The following TGM7 variants were observed in gnomAD, a reference collection of about 807,000 sequenced individuals.
The protein encoded by TGM7 is protein-glutamine gamma-glutamyltransferase Z.
TGM7 carries 74 observed loss-of-function variants against 79.5 expected under a neutral mutation model. That is an observed-to-expected ratio of 0.93 (90% CI 0.77 to 1.13). The LOEUF (loss-of-function observed/expected upper bound fraction) is 1.13. TGM7 is among the 50% of genes most tolerant of loss of function. The pLI is 0.00. For synonymous variants in TGM7, 354 were observed against 362.5 expected, an observed-to-expected ratio of 0.98 and a Z score of 0.27; for missense variants, 912 against 905.9, an observed-to-expected ratio of 1.01 and a Z score of -0.09.
intron 6 of TGM7, among the ~76,000 whole-genome samples, chr15:43,286,623 C>A (rs2042936867): frequency 6.6e-6 from 1 of 152,228 alleles, no homozygotes; most frequent in Non-Finnish European, 1.5e-5. Flanking sequence ...CTCAGAGTCA[C>A]CCTGTTAGTT....
rs2042893567 is a variant in TGM7, at chr15:43,279,240, G to A, written c.1716C>T (p.Tyr572=). 1 of 1,614,176 alleles carries A rather than the reference G, an allele frequency of 6.2e-7. No individual in the cohort carries two copies. Among genetic ancestry groups the A allele is most frequent in the Non-Finnish European group, 8.5e-7 (1 of 1,180,028 alleles). ...GCTTTTCGTCCGTTAGCTTGTTTCT[G>A]TAATTGCTGTAGGGCAGGAGGAGCG... ...QWPLLLPYSN[Y]RNKLTDEKLI... is the part of the protein sequence containing the mutation. The change falls in exon 11 of 13, where the codon TAC becomes TAT. Residue 572 remains tyrosine, a synonymous_variant. Transcript: ENST00000452443.
At chr15:43,287,144 G>A in intron 6 of TGM7, 136 bp downstream of exon 6, 2 of 942,152 alleles carry the variant, frequency 2.1e-6, no homozygotes, top group East Asian at 2.6e-5. Context: ...ACTGTATGGT[G>A]TGCTAGCTCA....
chr15:43,298,609 T>C (rs1166374742), intron 1 of TGM7, among the ~76,000 whole-genome samples: 1 of 151,936 alleles, frequency 6.6e-6, no homozygotes, highest in Non-Finnish European at 1.5e-5. Context: ...AAAAATTAGC[T>C]GGGCATGGTG....
chr15:43,285,299 G>A (rs745813228), intron 6 of TGM7, among the ~76,000 whole-genome samples: 1 of 152,248 alleles, frequency 6.6e-6, no homozygotes, highest in Non-Finnish European at 1.5e-5. Flanking sequence ...CACTTTGGGA[G>A]GCTGAGGCGG....
chr15:43,282,159 T>A (rs1263845913), intron 8 of TGM7, 73 bp from the exon 9 acceptor site: 3 of 1,577,842 alleles, frequency 1.9e-6, no homozygotes, highest in African/African-American at 2.7e-5. Context: ...GGAGATGGGA[T>A]AGGCAGCGGC....
Position 43,292,778 on chromosome 15 carries a change from G to A in TGM7, c.370C>T (p.Gln124Ter), listed in dbSNP as rs1310653460. The A allele has an allele frequency of 6.2e-7, 1 of 1,614,052 alleles. No individual in the cohort carries two copies. The highest frequency in any genetic ancestry group is 8.5e-7 in the Non-Finnish European group (1 of 1,180,042). ...TAAGTCACACTGTGACCTTGGCCCT[G>A]AGAGATCTCTATTTTCAGAGTGTAA... The part of the protein sequence containing the change: ...GHYTLKIEIS[Q>*]GQGHSVTYPL... Residue 124 changes from glutamine (Q) to a stop codon, truncating the protein, a stop_gained, in exon 3 of 13, where the codon CAG (glutamine) becomes TAG (stop). Transcript: ENST00000452443. LOFTEE classifies it high-confidence loss of function.
At chr15:43,280,834 C>T (rs764883567) in intron 9 of TGM7, among the ~76,000 whole-genome samples, 5 of 152,028 alleles carry the variant, frequency 3.3e-5, no homozygotes, top group Admixed American at 2.0e-4. Context: ...GGCTAGCATG[C>T]GGAATAAGAA....
intron 9 of TGM7, among the ~76,000 whole-genome samples, chr15:43,280,977 G>C (rs1339807655): frequency 2.6e-5 from 4 of 152,214 alleles, no homozygotes; most frequent in African/African-American, 4.8e-5. Context: ...TGACTGGTCA[G>C]CTGCTTAATT....
intron 4 of TGM7, among the ~76,000 whole-genome samples, chr15:43,290,018 T>C (rs990235811): frequency 6.6e-6 from 1 of 152,246 alleles, no homozygotes; most frequent in Non-Finnish European, 1.5e-5. Context: ...GTAGGTTGCC[T>C]GCTTACTCTG....
chr15:43,282,403 G>C, intron 8 of TGM7, 114 bp downstream of exon 8: 2 of 934,586 alleles, frequency 2.1e-6, no homozygotes, highest in Non-Finnish European at 3.3e-6. Context: ...CTGGGACCTC[G>C]GGAAGAGGGT....
chr15:43,284,152 T>C (rs2042923190), intron 7 of TGM7, among the ~76,000 whole-genome samples: 1 of 152,068 alleles, frequency 6.6e-6, no homozygotes, highest in Non-Finnish European at 1.5e-5. Context: ...TGAGCTGAGT[T>C]CGCACCATTG....
At chr15:43,297,618 A>AAAGAAAGAAAGT in intron 1 of TGM7, among the ~76,000 whole-genome samples, 1 of 151,394 alleles carries the variant, frequency 6.6e-6, no homozygotes, top group East Asian at 1.9e-4. Flanking sequence ...AGAAAGAAAG[A>AAAGAAAGAAAGT]AAGAAAGAAA....
At chr15:43,294,099 A>G (rs2042980856) in intron 1 of TGM7, among the ~76,000 whole-genome samples, 1 of 152,134 alleles carries the variant, frequency 6.6e-6, no homozygotes. Flanking sequence ...AATCTTTCTA[A>G]AAGTCACCCT....
Position 43,276,284 on chromosome 15 carries a change from T to G in TGM7, c.*171A>C. On this transcript the variant is annotated 3_prime_UTR_variant, in exon 13 of 13. Coordinates refer to ENST00000452443, the MANE Select transcript of TGM7 (RefSeq NM_052955.3). ...GTGGCTTGAGAATGCTGGTGATAAATAAAGACATCTTTATTGTCTCTTCCC... is the reference window on the plus strand; with the variant it reads ...GTGGCTTGAGAATGCTGGTGATAAAGAAAGACATCTTTATTGTCTCTTCCC... The G allele has an allele frequency of 1.3e-6, 1 of 797,806 alleles. No individual in the cohort carries two copies. The highest frequency in any genetic ancestry group is 1.9e-6 in the Non-Finnish European group (1 of 521,294). The allele number at this position is 797,806 out of a possible 1,614,324, so 49.4% of individuals were successfully genotyped here.
intron 1 of TGM7, among the ~76,000 whole-genome samples, chr15:43,294,694 G>A (rs2042983773): frequency 6.6e-6 from 1 of 152,208 alleles, no homozygotes; most frequent in Non-Finnish European, 1.5e-5. Flanking sequence ...TAGTACATCA[G>A]TTTATCTCAG....
intron 1 of TGM7, 27 bp from the exon 2 acceptor site, chr15:43,293,658 G>A (rs771226043): frequency 4.5e-6 from 7 of 1,565,492 alleles, no homozygotes; most frequent in Non-Finnish European, 5.2e-6. Flanking sequence ...GACAGGTCAC[G>A]CCCACCTGCA....
intron 1 of TGM7, among the ~76,000 whole-genome samples, chr15:43,294,716 G>A (rs928981875): frequency 6.6e-6 from 1 of 152,104 alleles, no homozygotes; most frequent in African/African-American, 2.4e-5. Flanking sequence ...GGTTCTCAAC[G>A]GGAAATTCCG....
At chr15:43,283,049 CA>C (rs772030300) in intron 7 of TGM7, among the ~76,000 whole-genome samples, 1 of 151,954 alleles carries the variant, frequency 6.6e-6, no homozygotes, top group African/African-American at 2.4e-5. Context: ...GACTCCATCT[CA>C]AAAAAACAAC....
chr15:43,288,264 C>T (rs756763651), intron 4 of TGM7, among the ~76,000 whole-genome samples: 1 of 152,176 alleles, frequency 6.6e-6, no homozygotes, highest in Admixed American at 6.5e-5. Context: ...GTATTTGTCT[C>T]AGTTTCAAAG....
Sources: gnomAD v4.1 joint callset for allele counts (sites outside exome capture counted in the v4.1 genomes callset) on GRCh38, gnomAD v4.1.1 for gene constraint, MANE v1.5 for transcripts, NCBI Gene and HGNC (gene_info 2026-07-23, HGNC 2026-07-21) for gene names.